CTNNA3: variants seen among roughly 807,000 people sequenced by gnomAD.
CTNNA3 encodes the protein catenin alpha 3, also known as catenin alpha-3.
In CTNNA3, 76 loss-of-function variants were observed where a neutral mutation model predicts 95.7. The observed-to-expected ratio is 0.79, with a 90% CI of 0.66 to 0.96. The LOEUF (loss-of-function observed/expected upper bound fraction) is 0.96, where lower values mean the gene tolerates loss of function less well. Ranked by LOEUF, CTNNA3 falls within the 40% of genes least tolerant of loss-of-function variation. CTNNA3 has a pLI of 0.00. For missense variants in CTNNA3, 1,191 were observed against 1,089.8 expected, an observed-to-expected ratio of 1.09 and a Z score of -1.31; for synonymous variants, 431 against 374.4, an observed-to-expected ratio of 1.15 and a Z score of -1.74.
At chr10:67,332,557 T>G (rs1490618788) in intron 5 of CTNNA3, among the ~76,000 whole-genome samples, 5 of 152,172 alleles carry the variant, frequency 3.3e-5, no homozygotes, top group Non-Finnish European at 7.3e-5. Context: ...TCCCATTTTT[T>G]GAGAAATGTT....
intron 5 of CTNNA3, among the ~76,000 whole-genome samples, chr10:67,258,372 G>T (rs1866446715): frequency 6.6e-6 from 1 of 152,074 alleles, no homozygotes; most frequent in East Asian, 1.9e-4. Context: ...TTGAATTCCT[G>T]ACCTCAGGTA....
chr10:65,978,180 C>T (rs2078244392), intron 16 of CTNNA3, among the ~76,000 whole-genome samples: 1 of 152,036 alleles, frequency 6.6e-6, no homozygotes, highest in African/African-American at 2.4e-5. Flanking sequence ...TGTTTCAATG[C>T]AGATTCCTCC....
Position 67,609,318 on chromosome 10 carries a change from C to A in CTNNA3, c.100-2269G>T, listed in dbSNP as rs1303067680. On this transcript the variant is annotated intron_variant, in intron 2 of 17. Transcript: ENST00000433211. ...ACAGTGGAGGCTCATGATAATCATG[C>A]ATCACATCTTTGACAGCAAACTACA... Among the ~76,000 whole-genome samples the A allele has an allele frequency of 8.7e-4, 133 of 152,156 alleles. 1 individual carries two copies. The highest frequency in any genetic ancestry group is 1.0e-4 in the Non-Finnish European group (7 of 68,026).
intron 17 of CTNNA3, among the ~76,000 whole-genome samples, chr10:65,922,922 C>T (rs1280251466): frequency 6.6e-6 from 1 of 152,084 alleles, no homozygotes; most frequent in Non-Finnish European, 1.5e-5. Context: ...TCTTACATGG[C>T]AACAGGAGAG....
intron 7 of CTNNA3, among the ~76,000 whole-genome samples, chr10:66,978,067 T>C (rs12251030): frequency 1.8e-5 from 2 of 114,012 alleles, no homozygotes; most frequent in African/African-American, 5.7e-5. Context: ...TATATATATA[T>C]ACACACACAC....
intron 11 of CTNNA3, among the ~76,000 whole-genome samples, chr10:66,470,060 A>G (rs1839071206): frequency 6.6e-6 from 1 of 151,910 alleles, no homozygotes; most frequent in Admixed American, 6.6e-5. Flanking sequence ...CACACATGAC[A>G]TATAAAAATA....
intron 15 of CTNNA3, among the ~76,000 whole-genome samples, chr10:66,055,995 C>A (rs2394188): frequency 2.0e-5 from 3 of 147,360 alleles, no homozygotes; most frequent in Non-Finnish European, 4.5e-5. Context: ...CATTTCTTTT[C>A]AATTTGAATG....
In CTNNA3 at chr10:66,927,616, C is replaced by A. The variant is rs764490237; in HGVS notation, c.1048-152092G>T. 2 of 1,614,154 alleles carry A rather than the reference C, an allele frequency of 1.2e-6. No homozygotes were observed. Among genetic ancestry groups the A allele is most frequent in the Non-Finnish European group, 1.7e-6 (2 of 1,180,026 alleles). ...TCCAAGGTTGGTCAGCCTTCAGAAC[C>A]TTTACTTGCAGTGGAATAAAATCAG... On this transcript the variant is annotated intron_variant, in intron 7 of 17. Transcript: ENST00000433211. The surrounding 1 kb of genome is among the most constrained non-coding windows in gnomAD (Gnocchi z 4.7).
intron 2 of CTNNA3, among the ~76,000 whole-genome samples, chr10:67,609,903 T>C (rs1456665978): frequency 2.0e-5 from 3 of 152,228 alleles, no homozygotes; most frequent in Non-Finnish European, 4.4e-5. Flanking sequence ...AATAAGATCA[T>C]GTGTCTTCAT....
intron 7 of CTNNA3, among the ~76,000 whole-genome samples, chr10:66,978,543 A>T (rs1383734119): frequency 8.0e-5 from 9 of 113,008 alleles, no homozygotes; most frequent in Non-Finnish European, 1.1e-4. Flanking sequence ...AAAAAAAAAA[A>T]AAAAAAAAAA....
chr10:67,683,871 C>CTTTAA (rs944731774), intron 1 of CTNNA3, among the ~76,000 whole-genome samples: 3 of 151,928 alleles, frequency 2.0e-5, no homozygotes, highest in African/African-American at 2.4e-5. Context: ...GCGGCATATC[C>CTTTAA]GGAGTGGTTT....
intron 7 of CTNNA3, among the ~76,000 whole-genome samples, chr10:67,049,212 A>G (rs924808319): frequency 2.6e-5 from 4 of 152,122 alleles, no homozygotes; most frequent in Non-Finnish European, 5.9e-5. Flanking sequence ...TGGTAGAAAC[A>G]GGAGGCAGGG....
At chr10:67,617,677 G>A (rs568699386) in intron 2 of CTNNA3, among the ~76,000 whole-genome samples, 2 of 151,754 alleles carry the variant, frequency 1.3e-5, no homozygotes, top group Admixed American at 6.6e-5. Context: ...AGGAACTGCC[G>A]CACTGTTTTC....
intron 6 of CTNNA3, among the ~76,000 whole-genome samples, chr10:67,189,138 AC>A (rs1863000952): frequency 8.2e-6 from 1 of 121,562 alleles, no homozygotes; most frequent in African/African-American, 5.4e-5. Context: ...AACAACAACA[AC>A]AACAAAAAAA....
chr10:65,966,777 C>G (rs764996043), intron 16 of CTNNA3, 31 bp from the exon 17 acceptor site: 2 of 1,552,524 alleles, frequency 1.3e-6, no homozygotes, highest in Admixed American at 1.7e-5. Flanking sequence ...AAAATAGATA[C>G]AGCAGAATAA....
At chr10:66,650,287 C>G (rs1845848540) in intron 9 of CTNNA3, among the ~76,000 whole-genome samples, 3 of 152,156 alleles carry the variant, frequency 2.0e-5, no homozygotes, top group African/African-American at 7.2e-5. Flanking sequence ...CAAGTCTTAA[C>G]AAATTTGAAA....
chr10:66,771,086 C>T (rs1217180730), intron 8 of CTNNA3, among the ~76,000 whole-genome samples: 1 of 152,006 alleles, frequency 6.6e-6, no homozygotes, highest in Admixed American at 6.6e-5. Flanking sequence ...GAGTGGTGAA[C>T]TGGTACTATG....
chr10:66,503,352 T>C (rs1840343466), intron 11 of CTNNA3, among the ~76,000 whole-genome samples: 1 of 152,186 alleles, frequency 6.6e-6, no homozygotes, highest in East Asian at 1.9e-4. Context: ...ATAAATTATA[T>C]AATTAACATT....
At chr10:66,562,634 G>A (rs1433960307) in intron 10 of CTNNA3, among the ~76,000 whole-genome samples, 7 of 152,038 alleles carry the variant, frequency 4.6e-5, no homozygotes, top group Non-Finnish European at 1.0e-4. Context: ...TTGCCCAGTG[G>A]TCTGAGCATA....
Sources: allele counts gnomAD v4.1 joint callset (sites outside exome capture counted in the v4.1 genomes callset), GRCh38; gene constraint gnomAD v4.1.1; non-coding constraint Gnocchi (gnomAD v3.1); transcripts MANE v1.5; gene names NCBI Gene and HGNC (gene_info 2026-07-23, HGNC 2026-07-21).